Variants in NKAIN2 observed in about 807,000 individuals in gnomAD.
NKAIN2 encodes sodium/potassium-transporting ATPase subunit beta-1-interacting protein 2.
NKAIN2 carries 14 observed loss-of-function variants against 32.6 expected under a neutral mutation model. The ratio of observed to expected loss-of-function variants is 0.43; its 90% CI spans 0.28 to 0.67. The LOEUF is 0.67. NKAIN2 is among the 30% of genes least tolerant of loss of function. The pLI, the probability that NKAIN2 is intolerant of heterozygous loss-of-function variation, is 0.17. For missense variants in NKAIN2, 198 were observed against 258.3 expected (o/e 0.77, Z 1.60); for synonymous variants, 80 against 87.2 (o/e 0.92, Z 0.46).
At chr6:123,845,645 T>C (rs1775057236) in intron 1 of NKAIN2, among the ~76,000 whole-genome samples, 1 of 152,194 alleles carries the variant, frequency 6.6e-6, no homozygotes. Flanking sequence ...ATCCATGTAA[T>C]AAGGAAGGCT....
intron 4 of NKAIN2, among the ~76,000 whole-genome samples, chr6:124,714,174 G>A (rs1293694365): frequency 6.6e-6 from 1 of 152,130 alleles, no homozygotes; most frequent in Non-Finnish European, 1.5e-5. Flanking sequence ...AGATTCGGAT[G>A]TAATCTACAT....
chr6:124,217,786 TAC>T (rs144387042), intron 1 of NKAIN2, among the ~76,000 whole-genome samples: 201 of 150,760 alleles, frequency 1.3e-3, no homozygotes, highest in African/African-American at 4.5e-3. Context: ...TATATATATG[TAC>T]ACACACACAC....
In NKAIN2 at chr6:124,207,428, G is replaced by A. The variant is rs373916048; in HGVS notation, c.55-75577G>A. Reference sequence around the variant, plus strand: ...CTAAATTTTGTTTGTTCCATAGGGAGAATAAAGTATATGTTTCTAAATAAT... The same window carrying A: ...CTAAATTTTGTTTGTTCCATAGGGAAAATAAAGTATATGTTTCTAAATAAT... On this transcript the variant is annotated intron_variant, in intron 1 of 6. Transcript: ENST00000368417. Among the ~76,000 whole-genome samples the A allele has an allele frequency of 2.6e-4, 39 of 150,344 alleles. 1 individual carries two copies. The highest frequency in any genetic ancestry group is 9.0e-4 in the African/African-American group (37 of 40,934).
intron 1 of NKAIN2, among the ~76,000 whole-genome samples, chr6:123,903,397 T>C (rs970910176): frequency 1.3e-5 from 2 of 152,194 alleles, no homozygotes; most frequent in Non-Finnish European, 2.9e-5. Context: ...TAATGCTAGA[T>C]ATTAAATGAT....
intron 3 of NKAIN2, among the ~76,000 whole-genome samples, chr6:124,376,895 C>G (rs1800016609): frequency 6.6e-6 from 1 of 152,056 alleles, no homozygotes; most frequent in South Asian, 2.1e-4. Context: ...TAAAATTGAT[C>G]TATTGGTTAA....
intron 3 of NKAIN2, among the ~76,000 whole-genome samples, chr6:124,577,358 A>G (rs1781371617): frequency 6.6e-6 from 1 of 152,172 alleles, no homozygotes; most frequent in African/African-American, 2.4e-5. Flanking sequence ...ACCCCCCAGC[A>G]GCAGCTGCAT....
intron 2 of NKAIN2, among the ~76,000 whole-genome samples, chr6:124,344,473 G>A (rs1204707219): frequency 6.6e-6 from 1 of 151,534 alleles, no homozygotes; most frequent in African/African-American, 2.4e-5. Context: ...AGCATGGAAT[G>A]TTCTTCCATT....
chr6:124,608,769 A>T (rs1159773103), intron 3 of NKAIN2, among the ~76,000 whole-genome samples: 1 of 152,130 alleles, frequency 6.6e-6, no homozygotes, highest in Non-Finnish European at 1.5e-5. Flanking sequence ...ACAATTTTCG[A>T]CCTCACTCGG....
chr6:123,879,865 C>A (rs1290617725), intron 1 of NKAIN2, among the ~76,000 whole-genome samples: 2 of 152,144 alleles, frequency 1.3e-5, no homozygotes, highest in African/African-American at 4.8e-5. Context: ...TTGGCAGATG[C>A]CCTTATGACT....
chr6:124,283,477 C>T (rs565410683), intron 2 of NKAIN2, among the ~76,000 whole-genome samples: 3 of 152,210 alleles, frequency 2.0e-5, no homozygotes, highest in African/African-American at 4.8e-5. Flanking sequence ...AATTTTTTCT[C>T]ATTTTAAATA....
intron 5 of NKAIN2, among the ~76,000 whole-genome samples, chr6:124,812,723 C>T (rs187914522): frequency 6.6e-6 from 1 of 151,020 alleles, no homozygotes; most frequent in Admixed American, 6.6e-5. Context: ...AACACCAACT[C>T]CCTTTTGACC....
At chr6:123,926,485 C>G (rs1776009806) in intron 1 of NKAIN2, among the ~76,000 whole-genome samples, 1 of 151,900 alleles carries the variant, frequency 6.6e-6, no homozygotes, top group Non-Finnish European at 1.5e-5. Flanking sequence ...CTGCAGTGTT[C>G]CCCAGATTCC....
chr6:124,788,281 A>G (rs1582524738), intron 4 of NKAIN2, among the ~76,000 whole-genome samples: 1 of 152,212 alleles, frequency 6.6e-6, no homozygotes, highest in East Asian at 1.9e-4. Flanking sequence ...TTAAACATTG[A>G]CAACACATAA....
intron 1 of NKAIN2, among the ~76,000 whole-genome samples, chr6:123,903,192 C>T (rs749845965): frequency 2.6e-5 from 4 of 152,182 alleles, no homozygotes; most frequent in African/African-American, 7.2e-5. Context: ...ATGTCTGTCA[C>T]GAAACCTTTG....
rs577635717 is a variant in NKAIN2, at chr6:124,104,137, T to C, written c.55-178868T>C. Among the ~76,000 whole-genome samples the C allele has an allele frequency of 4.6e-5, 7 of 152,202 alleles. No homozygotes were observed. In the South Asian group the frequency reaches 1.5e-3, roughly 32 times the overall value. On this transcript the variant is annotated intron_variant, in intron 1 of 6. Coordinates refer to ENST00000368417, the MANE Select transcript of NKAIN2 (RefSeq NM_001040214.3). ...CAGAAGAAAAAATTCTGAACCTGGT[T>C]CTTTACCTGTTTACCCCTTCGCTCC...
At chr6:124,497,084 A>T (rs1039957382) in intron 3 of NKAIN2, among the ~76,000 whole-genome samples, 1 of 152,158 alleles carries the variant, frequency 6.6e-6, no homozygotes, top group Non-Finnish European at 1.5e-5. Flanking sequence ...TTCCTACCCC[A>T]GGGACAAGAA....
chr6:124,024,361 A>T (rs1408804386), intron 1 of NKAIN2, among the ~76,000 whole-genome samples: 1 of 152,172 alleles, frequency 6.6e-6, no homozygotes, highest in African/African-American at 2.4e-5. Flanking sequence ...ATGAATTAGA[A>T]TGCATAACGT....
intron 3 of NKAIN2, among the ~76,000 whole-genome samples, chr6:124,432,328 G>A (rs930332461): frequency 1.3e-5 from 2 of 152,260 alleles, no homozygotes; most frequent in South Asian, 4.1e-4. Context: ...AGCCACATGT[G>A]CAGTGTTTTC....
chr6:124,565,747 G>A (rs537020047), intron 3 of NKAIN2, among the ~76,000 whole-genome samples: 7 of 152,254 alleles, frequency 4.6e-5, no homozygotes, highest in South Asian at 4.1e-4. Context: ...ACAGGAAATC[G>A]TTCTAATAAT....
Sources: allele counts gnomAD v4.1 joint callset (sites outside exome capture counted in the v4.1 genomes callset), GRCh38; gene constraint gnomAD v4.1.1; transcripts MANE v1.5; gene names NCBI Gene and HGNC (gene_info 2026-07-23, HGNC 2026-07-21).